The following PCDH15 variants were observed in gnomAD, a reference collection of about 807,000 sequenced individuals.
PCDH15 encodes the protein protocadherin related 15.
In PCDH15, 129 loss-of-function variants were observed where a neutral mutation model predicts 178.5. That is an observed-to-expected ratio of 0.72 (90% confidence interval 0.63 to 0.84). PCDH15 has a LOEUF of 0.84. PCDH15 is among the 40% of genes least tolerant of loss of function. PCDH15 has a pLI of 0.00. For missense variants in PCDH15, 2,230 were observed against 2,099.9 expected (o/e 1.06, Z -1.21); for synonymous variants, 800 against 732.0 (o/e 1.09, Z -1.50).
At chr10:55,571,049 T>C (rs1389374960) in intron 2 of PCDH15, among the ~76,000 whole-genome samples, 10 of 152,078 alleles carry the variant, frequency 6.6e-5, no homozygotes, top group Non-Finnish European at 1.5e-4. Context: ...CCCAGGTCCG[T>C]TGAAGGTGGG....
intron 10 of PCDH15, among the ~76,000 whole-genome samples, chr10:54,209,553 A>G (rs2134064154): frequency 6.6e-6 from 1 of 152,230 alleles, no homozygotes; most frequent in South Asian, 2.1e-4. Flanking sequence ...GATTAACTGA[A>G]AAAGGGAATA....
chr10:55,362,542 T>C (rs1845255240), intron 2 of PCDH15, among the ~76,000 whole-genome samples: 1 of 152,120 alleles, frequency 6.6e-6, no homozygotes, highest in Admixed American at 6.6e-5. Flanking sequence ...TAATTTCTCT[T>C]AATGGTAATA....
chr10:54,547,939 A>G (rs2086045112), intron 2 of PCDH15, among the ~76,000 whole-genome samples: 1 of 151,748 alleles, frequency 6.6e-6, no homozygotes, highest in Non-Finnish European at 1.5e-5. Context: ...CTTCTATAAG[A>G]TTTGATATGA....
At chr10:54,207,486 C>T (rs192110956) in intron 10 of PCDH15, among the ~76,000 whole-genome samples, 43 of 151,968 alleles carry the variant, frequency 2.8e-4, no homozygotes, top group Admixed American at 5.9e-4. Context: ...AAACTTAACT[C>T]ATTAAAACAA....
At chr10:55,446,428 A>G (rs1839318489) in intron 2 of PCDH15, among the ~76,000 whole-genome samples, 1 of 152,072 alleles carries the variant, frequency 6.6e-6, no homozygotes, top group African/African-American at 2.4e-5. Context: ...TGTTTTTAAA[A>G]TGATAGAAGA....
chr10:55,574,666 C>T (rs1463058268), intron 2 of PCDH15, among the ~76,000 whole-genome samples: 4 of 151,810 alleles, frequency 2.6e-5, no homozygotes, highest in African/African-American at 4.8e-5. Context: ...CTGTAAAACT[C>T]TATACTTTTA....
rs1189619792 is a variant in PCDH15, at chr10:55,582,614, ATATATATATATATATTT to A, written c.-156+44994_-156+45010del. Among the ~76,000 whole-genome samples, 8 of 88,678 alleles carry A rather than the reference ATATATATATATATATTT, an allele frequency of 9.0e-5. 1 individual carries two copies. Among genetic ancestry groups the A allele is most frequent in the African/African-American group, 4.8e-4 (8 of 16,500 alleles). The allele number at this position is 88,678 out of a possible 152,430, so 58.2% of individuals were successfully genotyped here. ...TGTATGTGTATATATATATATATATATATATATATATATATTTTTTTTTTTTTGCTATATTTGATGAA... is the reference window on the plus strand; with the variant it reads ...TGTATGTGTATATATATATATATATATTTTTTTTTTGCTATATTTGATGAA... On this transcript the variant is annotated intron_variant, in intron 2 of 5. Coordinates refer to the PCDH15 transcript ENST00000613346.
At chr10:54,398,775 A>G (rs1951563807) in intron 3 of PCDH15, among the ~76,000 whole-genome samples, 1 of 152,096 alleles carries the variant, frequency 6.6e-6, no homozygotes, top group Non-Finnish European at 1.5e-5. Context: ...GGTAGCCTAG[A>G]AATAATCAAT....
chr10:54,760,928 A>T (rs1292414069), intron 1 of PCDH15, among the ~76,000 whole-genome samples: 2 of 152,114 alleles, frequency 1.3e-5, no homozygotes, highest in African/African-American at 4.8e-5. Context: ...TCAATGCCAA[A>T]CTAATTCATG....
At chr10:55,338,325 T>C (rs1379972919) in intron 2 of PCDH15, among the ~76,000 whole-genome samples, 1 of 152,152 alleles carries the variant, frequency 6.6e-6, no homozygotes, top group Non-Finnish European at 1.5e-5. Context: ...GGAATCAACA[T>C]GGTGAAGAGA....
intron 3 of PCDH15, among the ~76,000 whole-genome samples, chr10:54,383,430 G>C (rs1317785450): frequency 6.6e-6 from 1 of 152,028 alleles, no homozygotes. Context: ...GTACTTATTA[G>C]CATTTGCTGA....
intron 3 of PCDH15, among the ~76,000 whole-genome samples, chr10:54,397,879 G>C (rs1951446324): frequency 6.6e-6 from 1 of 151,766 alleles, no homozygotes; most frequent in Non-Finnish European, 1.5e-5. Context: ...CAAAGTCAAT[G>C]TACAAATTCC....
chr10:55,010,845 C>A (rs558487555), intron 2 of PCDH15, among the ~76,000 whole-genome samples: 16 of 152,102 alleles, frequency 1.1e-4, no homozygotes, highest in African/African-American at 3.6e-4. Context: ...TAATATTATA[C>A]CATCTCTCTA....
intron 3 of PCDH15, among the ~76,000 whole-genome samples, chr10:54,431,298 T>TA (rs923933459): frequency 1.1e-4 from 17 of 149,208 alleles, no homozygotes; most frequent in East Asian, 7.8e-4. Context: ...GACAAAGACA[T>TA]AAAAAAAAAC....
At chr10:54,113,184 T>C (rs1259707996) in intron 15 of PCDH15, among the ~76,000 whole-genome samples, 3 of 152,182 alleles carry the variant, frequency 2.0e-5, no homozygotes, top group Admixed American at 6.5e-5. Flanking sequence ...TTCAAATATG[T>C]ATAACAATAA....
intron 5 of PCDH15, among the ~76,000 whole-genome samples, chr10:54,356,187 T>C (rs1226278789): frequency 1.3e-5 from 2 of 152,134 alleles, no homozygotes; most frequent in Non-Finnish European, 2.9e-5. Context: ...ATTGTGTGTC[T>C]TTTGTGTTAC....
At chr10:54,638,795 C>A (rs149374693) in intron 2 of PCDH15, among the ~76,000 whole-genome samples, 2 of 152,154 alleles carry the variant, frequency 1.3e-5, no homozygotes, top group Middle Eastern at 3.4e-3. Flanking sequence ...TAAGTGTCCA[C>A]CAACCAATGA....
chr10:54,883,070 C>A (rs1333941913), intron 3 of PCDH15, among the ~76,000 whole-genome samples: 1 of 145,788 alleles, frequency 6.9e-6, no homozygotes. Context: ...TTTGTCTTCC[C>A]AAGTTGGAGT....
At chr10:54,350,517 CAT>C (rs1943998925) in intron 5 of PCDH15, among the ~76,000 whole-genome samples, 1 of 152,048 alleles carries the variant, frequency 6.6e-6, no homozygotes. Flanking sequence ...GACCTGTTCA[CAT>C]ATGAGATAGG....
Sources: allele counts gnomAD v4.1 joint callset (sites outside exome capture counted in the v4.1 genomes callset), GRCh38; gene constraint gnomAD v4.1.1; transcripts MANE v1.5; gene names NCBI Gene and HGNC (gene_info 2026-07-23, HGNC 2026-07-21).